The following UBXN7 variants were observed in gnomAD, a reference collection of about 807,000 sequenced individuals.
The protein encoded by UBXN7 is UBX domain protein 7.
In UBXN7, 9 loss-of-function variants were observed where a neutral mutation model predicts 58.0. That is an observed-to-expected ratio of 0.16 (90% CI 0.09 to 0.27). UBXN7 has a LOEUF of 0.27. Among genes scored for constraint, UBXN7 ranks in the 10% least tolerant of loss-of-function variants. The probability of loss-of-function intolerance (pLI) is 1.00; values close to 1 mark genes in which losing one functional copy is unlikely to be tolerated. For missense variants in UBXN7, 328 were observed against 599.6 expected (o/e 0.55, Z 4.73); for synonymous variants, 208 against 205.0 (o/e 1.01, Z -0.12).
intron 7 of UBXN7, 128 bp from the exon 8 acceptor site, chr3:196,368,283 T>C (rs1728723954): frequency 1.1e-6 from 1 of 877,578 alleles, no homozygotes; most frequent in South Asian, 3.2e-5. Flanking sequence ...TCTTTCAGCA[T>C]ATGCATAGAT....
rs1730302095 is a variant in UBXN7, at chr3:196,410,822, A to C, written c.74-3429T>G. Among the ~76,000 whole-genome samples, 6 of 111,076 alleles carry C rather than the reference A, an allele frequency of 5.4e-5. No homozygotes were observed. In the South Asian group the frequency reaches 2.1e-3, roughly 38 times the overall value. 72.9% of individuals were successfully genotyped at this position (111,076 alleles called of 152,430 possible). ...GGGCAACGGAGCAAGACTCCATCTC[A>C]AAAAAAAAAAAAATCCCTTAATGGC... On this transcript the variant is annotated intron_variant, in intron 1 of 10. Coordinates refer to ENST00000296328, the MANE Select transcript of UBXN7 (RefSeq NM_015562.2).
chr3:196,368,306 T>A, intron 7 of UBXN7, 151 bp from the exon 8 acceptor site: 1 of 690,242 alleles, frequency 1.4e-6, no homozygotes, highest in Admixed American at 3.7e-5. Flanking sequence ...AAAACCTGGA[T>A]CTATAAAGGT....
intron 1 of UBXN7, among the ~76,000 whole-genome samples, chr3:196,422,662 T>C (rs1490968372): frequency 6.6e-6 from 1 of 152,092 alleles, no homozygotes; most frequent in African/African-American, 2.4e-5. Context: ...GCCACTATAC[T>C]TTCCAAAGTG....
Position 196,353,056 on chromosome 3 carries a change from A to G in UBXN7, c.*3629T>C, listed in dbSNP as rs1728254182. 1 of 152,252 alleles carries G rather than the reference A, an allele frequency of 6.6e-6. No individual in the cohort carries two copies. The highest frequency in any genetic ancestry group is 2.4e-5 in the African/African-American group (1 of 41,468). The allele number at this position is 152,252 out of a possible 1,614,324, so 9.4% of individuals were successfully genotyped here. On this transcript the variant is annotated 3_prime_UTR_variant, in exon 11 of 11. Transcript: ENST00000296328. ...AATAATGGCATAAATAAAAATGTATAGGCATAGTGCAAATCCCACAACTTT... is the reference window on the plus strand; with the variant it reads ...AATAATGGCATAAATAAAAATGTATGGGCATAGTGCAAATCCCACAACTTT...
chr3:196,416,605 T>A (rs1044090833), intron 1 of UBXN7, among the ~76,000 whole-genome samples: 2 of 152,120 alleles, frequency 1.3e-5, no homozygotes, highest in African/African-American at 2.4e-5. Context: ...AAGTCAATCC[T>A]CAAGCAAGCA....
chr3:196,426,975 C>T (rs534109992), intron 1 of UBXN7, among the ~76,000 whole-genome samples: 158 of 152,266 alleles, frequency 1.0e-3, no homozygotes, highest in African/African-American at 3.7e-3. Flanking sequence ...TCTTCTACAA[C>T]TGAGGTTCTA....
In UBXN7 at chr3:196,432,328, G is replaced by T. The variant is rs765530453; in HGVS notation, c.72C>A (p.Thr24=). 3 of 1,613,158 alleles carry T rather than the reference G, an allele frequency of 1.9e-6. No individual in the cohort carries two copies. Among genetic ancestry groups the T allele is most frequent in the East Asian group, 4.5e-5 (2 of 44,864 alleles). The change falls in exon 1 of 11, where the codon ACC becomes ACA. Residue 24 remains threonine, a splice_region_variant and synonymous_variant. Transcript: ENST00000296328. The part of the protein sequence containing the change: ...KGLIQQFTTI[T]GASESVGKHM... The stretch of plus-strand genomic sequence containing the variant: ...CCTTCCGGTAACCGCGTCTCTTACC[G>T]GTAATGGTGGTGAACTGTTGAATTA...
At chr3:196,419,903 G>C (rs779415576) in intron 1 of UBXN7, among the ~76,000 whole-genome samples, 22 of 152,192 alleles carry the variant, frequency 1.4e-4, no homozygotes, top group Non-Finnish European at 2.2e-4. Flanking sequence ...GGAATGGATA[G>C]AACAGTCCTA....
intron 1 of UBXN7, among the ~76,000 whole-genome samples, chr3:196,417,722 GT>G (rs774567294): frequency 0.011 from 227 of 20,132 alleles, 11 homozygotes; most frequent in East Asian, 0.028. Context: ...GGGCAAAATG[GT>G]TAAAAAAAAA....
intron 2 of UBXN7, among the ~76,000 whole-genome samples, chr3:196,404,261 GTT>G (rs869218456): frequency 4.6e-5 from 6 of 129,362 alleles, no homozygotes; most frequent in Non-Finnish European, 8.3e-5. Flanking sequence ...AGCCCTAATG[GTT>G]TTTTTTTTTT....
chr3:196,369,407 G>T lies in UBXN7; in HGVS notation c.706+14C>A. 1 of 1,579,086 alleles carries T rather than the reference G, an allele frequency of 6.3e-7. No individual in the cohort carries two copies. The highest frequency in any genetic ancestry group is 1.1e-5 in the South Asian group (1 of 89,350). On this transcript the variant is annotated intron_variant, in intron 7 of 10. Transcript: ENST00000296328. ...AGTAATAGGTTAAAAGCTGCGTGCTGATATAAATCTTACCTGTCCGTGGGT... is the reference window on the plus strand; with the variant it reads ...AGTAATAGGTTAAAAGCTGCGTGCTTATATAAATCTTACCTGTCCGTGGGT...
intron 1 of UBXN7, among the ~76,000 whole-genome samples, chr3:196,426,024 C>G (rs1180171596): frequency 2.0e-5 from 3 of 152,078 alleles, no homozygotes; most frequent in Admixed American, 6.6e-5. Flanking sequence ...TGGCACGTAG[C>G]AGTCTACCAA....
intron 3 of UBXN7, chr3:196,397,407 G>A (rs3973): frequency 0.25 from 38,066 of 152,116 alleles, 6,213 homozygotes; most frequent in East Asian, 0.82. Context: ...CATTCCTTTA[G>A]ATCTGCTGCT....
Position 196,370,580 on chromosome 3 carries a change from A to T in UBXN7, c.616-1069T>A, listed in dbSNP as rs1728796813. On this transcript the variant is annotated intron_variant, in intron 6 of 10. Coordinates refer to ENST00000296328, the MANE Select transcript of UBXN7 (RefSeq NM_015562.2). Reference sequence around the variant, plus strand: ...AATATTTGTTGAATAAAATACAAGGAATTTTACCATTAAAGTTACATTAAA... The same window carrying T: ...AATATTTGTTGAATAAAATACAAGGTATTTTACCATTAAAGTTACATTAAA... Among the ~76,000 whole-genome samples, 3 of 152,000 alleles carry T rather than the reference A, an allele frequency of 2.0e-5. 1 individual carries two copies. In the South Asian group the frequency reaches 6.2e-4, roughly 31 times the overall value.
At chr3:196,392,536 C>T (rs1035985960) in intron 4 of UBXN7, among the ~76,000 whole-genome samples, 3 of 148,102 alleles carry the variant, frequency 2.0e-5, no homozygotes, top group African/African-American at 5.0e-5. Flanking sequence ...GGTGTAGTGG[C>T]GCATGCCTGT....
intron 1 of UBXN7, among the ~76,000 whole-genome samples, chr3:196,428,559 T>G (rs1424381338): frequency 6.6e-6 from 1 of 152,042 alleles, no homozygotes; most frequent in Admixed American, 6.6e-5. Context: ...AAATAAATAT[T>G]GCTGTTGTGA....
intron 1 of UBXN7, among the ~76,000 whole-genome samples, chr3:196,414,103 C>T (rs901802630): frequency 2.4e-4 from 36 of 152,102 alleles, no homozygotes; most frequent in Admixed American, 1.2e-3. Context: ...GATTCTCCTG[C>T]CTCAGCCTCC....
Position 196,391,803 on chromosome 3 carries a change from A to G in UBXN7, c.468+10T>C, listed in dbSNP as rs149482481. ...TTCATAGTTAAGGCACTGACTCTCC[A>G]ACAACTTACTGTTTCAAAGCTGCCT... On this transcript the variant is annotated intron_variant, in intron 5 of 10. Transcript: ENST00000296328. The G allele has an allele frequency of 8.5e-3, 13,477 of 1,591,324 alleles. 87 individuals are homozygous for G. The highest frequency in any genetic ancestry group is 9.7e-3 in the Non-Finnish European group (11,399 of 1,169,660).
At chr3:196,428,101 G>A (rs1399598370) in intron 1 of UBXN7, among the ~76,000 whole-genome samples, 1 of 152,150 alleles carries the variant, frequency 6.6e-6, no homozygotes, top group African/African-American at 2.4e-5. Context: ...TCCAGCCTGG[G>A]TGACGGAGTG....
Sources: gnomAD v4.1 joint callset for allele counts (sites outside exome capture counted in the v4.1 genomes callset) on GRCh38, gnomAD v4.1.1 for gene constraint, MANE v1.5 for transcripts, NCBI Gene and HGNC (gene_info 2026-07-23, HGNC 2026-07-21) for gene names.